The following PXDNL variants were observed in gnomAD, a reference collection of about 807,000 sequenced individuals.
The protein encoded by PXDNL is peroxidasin like, also known as probable oxidoreductase PXDNL.
In PXDNL, 145 loss-of-function variants were observed where a neutral mutation model predicts 150.8. That is an observed-to-expected ratio of 0.96 (90% CI 0.84 to 1.10). PXDNL has a LOEUF of 1.10. PXDNL is among the 50% of genes least tolerant of loss of function. PXDNL has a pLI of 0.00. For synonymous variants in PXDNL, 757 were observed against 725.7 expected, an observed-to-expected ratio of 1.04 and a Z score of -0.69; for missense variants, 2,087 against 1,873.9, an observed-to-expected ratio of 1.11 and a Z score of -2.10.
intron 1 of PXDNL, among the ~76,000 whole-genome samples, chr8:51,753,413 C>T (rs2037067504): frequency 6.6e-6 from 1 of 152,184 alleles, no homozygotes; most frequent in Non-Finnish European, 1.5e-5. Context: ...ATAATAATCC[C>T]TCATTTCTAC....
chr8:51,745,592 C>G (rs75474966), intron 1 of PXDNL, among the ~76,000 whole-genome samples: 25 of 152,282 alleles, frequency 1.6e-4, no homozygotes, highest in African/African-American at 4.6e-4. Context: ...ACCCTGTTCC[C>G]AGAGTCATGT....
intron 2 of PXDNL, among the ~76,000 whole-genome samples, chr8:51,623,861 A>G (rs747974166): frequency 1.4e-4 from 22 of 152,306 alleles, no homozygotes; most frequent in Non-Finnish European, 2.4e-4. Context: ...TGTGAGGCCA[A>G]GGTGGAAGGC....
intron 2 of PXDNL, among the ~76,000 whole-genome samples, chr8:51,632,287 A>C (rs1294906559): frequency 6.6e-6 from 1 of 152,186 alleles, no homozygotes; most frequent in Non-Finnish European, 1.5e-5. Context: ...AATCAACTAC[A>C]TCTAACAGGC....
At chr8:51,560,477 C>T (rs1053510599) in intron 3 of PXDNL, among the ~76,000 whole-genome samples, 2 of 151,848 alleles carry the variant, frequency 1.3e-5, no homozygotes, top group African/African-American at 4.8e-5. Context: ...ATATACAGAC[C>T]AGTAGGAAGT....
At chr8:51,505,213 C>G (rs1811258817) in intron 4 of PXDNL, among the ~76,000 whole-genome samples, 1 of 152,118 alleles carries the variant, frequency 6.6e-6, no homozygotes, top group Non-Finnish European at 1.5e-5. Flanking sequence ...AGGTATCAGG[C>G]CACCAAAGAG....
At chr8:51,765,657 A>G (rs900527329) in intron 1 of PXDNL, among the ~76,000 whole-genome samples, 4 of 152,134 alleles carry the variant, frequency 2.6e-5, no homozygotes, top group Non-Finnish European at 4.4e-5. Context: ...ACTATTAATA[A>G]GGTGGAATTA....
At chr8:51,411,922 A>G (rs1465061341) in intron 15 of PXDNL, among the ~76,000 whole-genome samples, 1 of 152,148 alleles carries the variant, frequency 6.6e-6, no homozygotes, top group Non-Finnish European at 1.5e-5. Flanking sequence ...GTACTCCTGT[A>G]TCCTTAAATA....
chr8:51,569,059 T>C (rs1585586686), intron 3 of PXDNL, among the ~76,000 whole-genome samples: 1 of 151,986 alleles, frequency 6.6e-6, no homozygotes, highest in Non-Finnish European at 1.5e-5. Context: ...TTGAAATTCC[T>C]GAGTGAGCAT....
At chr8:51,608,810 C>T (rs1475024294) in intron 2 of PXDNL, among the ~76,000 whole-genome samples, 6 of 118,754 alleles carry the variant, frequency 5.1e-5, no homozygotes, top group African/African-American at 1.7e-4. Flanking sequence ...GCACTCCAGC[C>T]TAGGTGACAG....
chr8:51,335,521 T>C (rs1472839767), intron 21 of PXDNL, among the ~76,000 whole-genome samples: 1 of 152,146 alleles, frequency 6.6e-6, no homozygotes, highest in Non-Finnish European at 1.5e-5. Flanking sequence ...CCAACAGTTG[T>C]GAGAATCTCT....
intron 3 of PXDNL, among the ~76,000 whole-genome samples, chr8:51,590,530 A>G (rs1011330862): frequency 2.5e-4 from 38 of 152,338 alleles, no homozygotes; most frequent in Admixed American, 1.8e-3. Context: ...GGAGACCCAA[A>G]TTCCCCATGT....
intron 5 of PXDNL, among the ~76,000 whole-genome samples, chr8:51,495,288 G>C (rs1310644882): frequency 4.7e-4 from 70 of 149,340 alleles, no homozygotes; most frequent in South Asian, 1.7e-3. Context: ...GCAGTGTGTA[G>C]AGGGAAATTT....
At chr8:51,639,049 G>A (rs554977472) in intron 2 of PXDNL, among the ~76,000 whole-genome samples, 14 of 152,170 alleles carry the variant, frequency 9.2e-5, no homozygotes, top group South Asian at 2.1e-4. Context: ...TAAGAAACTC[G>A]CTCAAAACCG....
chr8:51,555,749 T>G (rs978150630), intron 4 of PXDNL, among the ~76,000 whole-genome samples: 3 of 152,158 alleles, frequency 2.0e-5, no homozygotes, highest in Non-Finnish European at 2.9e-5. Context: ...ATGGGAAAAA[T>G]CTTTTTAATT....
intron 4 of PXDNL, among the ~76,000 whole-genome samples, chr8:51,544,293 T>C (rs890817243): frequency 1.8e-4 from 28 of 152,254 alleles, no homozygotes; most frequent in Middle Eastern, 3.4e-3. Context: ...CAGCAGATGG[T>C]GCAGGTAGGT....
intron 21 of PXDNL, among the ~76,000 whole-genome samples, chr8:51,331,883 A>C (rs967165655): frequency 3.9e-5 from 6 of 152,076 alleles, no homozygotes; most frequent in Non-Finnish European, 7.4e-5. Flanking sequence ...CCGGCCCCCA[A>C]CTGATGGTCC....
intron 4 of PXDNL, among the ~76,000 whole-genome samples, chr8:51,511,141 C>T (rs1811408054): frequency 1.3e-5 from 2 of 152,146 alleles, no homozygotes; most frequent in South Asian, 4.1e-4. Context: ...GCACTGGACA[C>T]ATGCAGGCCT....
intron 3 of PXDNL, among the ~76,000 whole-genome samples, chr8:51,587,560 G>C (rs1813351230): frequency 6.6e-6 from 1 of 152,086 alleles, no homozygotes; most frequent in South Asian, 2.1e-4. Flanking sequence ...GGGTAAAACT[G>C]CAATTCTGTG....
At chr8:51,346,222 C>T (rs1278737715) in intron 19 of PXDNL, among the ~76,000 whole-genome samples, 2 of 152,186 alleles carry the variant, frequency 1.3e-5, no homozygotes, top group Non-Finnish European at 2.9e-5. Context: ...CAGAGTGATG[C>T]TGAATCTTAC....
Sources: allele counts gnomAD v4.1 joint callset (sites outside exome capture counted in the v4.1 genomes callset), GRCh38; gene constraint gnomAD v4.1.1; transcripts MANE v1.5; gene names NCBI Gene and HGNC (gene_info 2026-07-23, HGNC 2026-07-21).